The following KIF13B variants were observed in gnomAD, a reference collection of about 807,000 sequenced individuals.
The protein encoded by KIF13B is kinesin-like protein KIF13B.
A neutral mutation model predicts 222.0 loss-of-function variants in KIF13B; 127 were observed. That is an observed-to-expected ratio of 0.57 (90% CI 0.50 to 0.66). KIF13B has a LOEUF of 0.66. Ranked by LOEUF, KIF13B falls within the 30% of genes least tolerant of loss-of-function variation. KIF13B has a pLI of 0.00. For synonymous variants in KIF13B, 976 were observed against 919.0 expected (o/e 1.06, Z -1.12); for missense variants, 2,173 against 2,379.0 (o/e 0.91, Z 1.80).
rs1563755626 is a variant in KIF13B at position 29,167,404 on chromosome 8, T to C, written c.1127A>G (p.Glu376Gly). 2 of 1,613,184 alleles carry C rather than the reference T, an allele frequency of 1.2e-6. No individual in the cohort carries two copies. The highest frequency in any genetic ancestry group is 8.5e-7 in the Non-Finnish European group (1 of 1,179,838). Residue 376 changes from glutamate to glycine, a missense_variant, in exon 11 of 40, where the codon GAG becomes GGG. Glu to Gly is a moderately conservative substitution (Grantham distance 98, BLOSUM62 -2). This residue lies in a region of KIF13B where 1,480 missense variants were observed against 1,722.8 expected (regional missense o/e 0.86). Coordinates refer to ENST00000524189, the MANE Select transcript of KIF13B (RefSeq NM_015254.4). ...TTTGGTCAGCTGCTCCCGGAGTTTC[T>C]CAACTTCTTCCCGGAGATCCCGGAT... ...RIIRDLREEV[E>G]KLREQLTKAE...
In KIF13B at chr8:29,142,173, C is replaced by A. The variant is rs1036829044; in HGVS notation, c.2318G>T (p.Cys773Phe). 3.7e-6 allele frequency: 6 copies of A among 1,613,384 alleles called. No individual in the cohort carries two copies. Among genetic ancestry groups the A allele is most frequent in the African/African-American group, 1.3e-5 (1 of 75,050 alleles). ...ATAACTTACTGGGTTATCTTCTTCA[C>A]ACTCTTTCCACTCCTGATAAAGGTC... ...MRDLYQEWKE[C>F]EEDNPVIRSY... The change falls in exon 19 of 40, where the codon TGT becomes TTT. Residue 773 changes from cysteine (C) to phenylalanine (F), a missense_variant. By Grantham distance (205) the Cys-to-Phe change is radical (BLOSUM62 -2). Around this residue, in one of 2 missense-constraint regions of KIF13B, gnomAD observed 1,480 missense variants for 1,722.8 expected, o/e 0.86. Coordinates refer to ENST00000524189, the MANE Select transcript of KIF13B (RefSeq NM_015254.4).
intron 37 of KIF13B, among the ~76,000 whole-genome samples, chr8:29,075,984 C>T (rs1326300328): frequency 2.0e-5 from 3 of 152,168 alleles, no homozygotes; most frequent in Non-Finnish European, 4.4e-5. Flanking sequence ...ATCAGTAATG[C>T]AACTCCAGTG....
chr8:29,177,646 A>T (rs1586885884), intron 8 of KIF13B, 68 bp from the exon 9 acceptor site: 1 of 1,041,644 alleles, frequency 9.6e-7, no homozygotes, highest in East Asian at 2.4e-5. Context: ...TCATGCCAGT[A>T]ATCCCAGCAC....
At chr8:29,095,969 T>G (rs1171544414) in intron 36 of KIF13B, among the ~76,000 whole-genome samples, 2 of 147,720 alleles carry the variant, frequency 1.4e-5, no homozygotes, top group Non-Finnish European at 3.0e-5. Context: ...AGTAGTGTTT[T>G]TTTTTGTTTG....
At chr8:29,147,354 T>G in intron 17 of KIF13B, 38 bp downstream of exon 17, 66 of 1,495,780 alleles carry the variant, frequency 4.4e-5, no homozygotes, top group Non-Finnish European at 5.5e-5. Flanking sequence ...GTGGCAAGCC[T>G]GAGCTATAAA....
At position 29,218,036 on chromosome 8, in the gene KIF13B, T is replaced by C. The variant is rs950327274; in HGVS notation, c.150-21837A>G. On this transcript the variant is annotated intron_variant, in intron 2 of 39. Transcript: ENST00000524189. ...TTAAACCTGTTTCCTACATGTGAAA[T>C]ACTCTACGTGTCTAGGGACATATAA... 3.9e-5 allele frequency among the ~76,000 whole-genome samples: 6 copies of C among 152,318 alleles called. No individual in the cohort carries two copies. In the South Asian group the frequency reaches 1.2e-3, roughly 32 times the overall value.
intron 1 of KIF13B, among the ~76,000 whole-genome samples, chr8:29,258,224 T>C (rs997424990): frequency 6.6e-6 from 1 of 152,198 alleles, no homozygotes; most frequent in Non-Finnish European, 1.5e-5. Flanking sequence ...TCTTCTAAGC[T>C]TCCTCGCACT....
chr8:29,147,694 T>C (rs1002610651), intron 16 of KIF13B, 92 bp from the exon 17 acceptor site: 12 of 927,836 alleles, frequency 1.3e-5, no homozygotes, highest in Non-Finnish European at 2.0e-5. Flanking sequence ...TCTGTCATCT[T>C]AACTATACCA....
Position 29,192,257 on chromosome 8 carries a change from T to G in KIF13B, c.163-1200A>C, listed in dbSNP as rs188602027. On this transcript the variant is annotated intron_variant, in intron 3 of 39. Transcript: ENST00000524189. ...CAAATCAGTTTTCACATGGTGAGCC[T>G]GGCTCCAGTCCCCAACCATACACCA... is the stretch of plus-strand genomic sequence containing the variant. 7.9e-5 allele frequency among the ~76,000 whole-genome samples: 12 copies of G among 152,308 alleles called. No individual in the cohort carries two copies. The East Asian group carries it at 2.3e-3, about 29-fold the overall frequency.
At chr8:29,138,832 G>T (rs1810681091) in intron 21 of KIF13B, among the ~76,000 whole-genome samples, 1 of 152,150 alleles carries the variant, frequency 6.6e-6, no homozygotes, top group African/African-American at 2.4e-5. Context: ...GAGCATACCA[G>T]GGCCTAAAGA....
chr8:29,169,019 G>C (rs534619692), intron 10 of KIF13B, among the ~76,000 whole-genome samples: 7 of 152,308 alleles, frequency 4.6e-5, no homozygotes, highest in Admixed American at 3.9e-4. Flanking sequence ...AGATTAGAGG[G>C]AACACTCCAA....
At chr8:29,243,850 A>G (rs970616792) in intron 2 of KIF13B, among the ~76,000 whole-genome samples, 2 of 152,216 alleles carry the variant, frequency 1.3e-5, no homozygotes, top group Non-Finnish European at 2.9e-5. Flanking sequence ...CTGCCCATGT[A>G]CAGAACACTT....
At chr8:29,161,889 G>A (rs1299296548) in intron 12 of KIF13B, among the ~76,000 whole-genome samples, 1 of 152,048 alleles carries the variant, frequency 6.6e-6, no homozygotes, top group Non-Finnish European at 1.5e-5. Flanking sequence ...CTTATATACT[G>A]TTGTGTTCCC....
chr8:29,113,730 G>T (rs1196701877), intron 31 of KIF13B, among the ~76,000 whole-genome samples, 175 bp from the exon 32 acceptor site: 6 of 152,168 alleles, frequency 3.9e-5, no homozygotes, highest in African/African-American at 1.4e-4. Flanking sequence ...CCTATGGTAC[G>T]AAACCAACTT....
intron 30 of KIF13B, among the ~76,000 whole-genome samples, chr8:29,118,013 C>T (rs146665256): frequency 0.011 from 1,630 of 150,972 alleles, 12 homozygotes; most frequent in Non-Finnish European, 0.016. Context: ...CAAAAATTAG[C>T]CAGGTGTGAT....
chr8:29,123,029 A>G (rs1809945890), intron 28 of KIF13B, among the ~76,000 whole-genome samples: 1 of 152,204 alleles, frequency 6.6e-6, no homozygotes, highest in Non-Finnish European at 1.5e-5. Flanking sequence ...TCGCGTGGAG[A>G]TGCAATTTTC....
intron 1 of KIF13B, among the ~76,000 whole-genome samples, chr8:29,254,349 T>C (rs1319460568): frequency 6.6e-6 from 1 of 151,396 alleles, no homozygotes; most frequent in African/African-American, 2.5e-5. Context: ...AAAACTTTCA[T>C]GCATCAAAGG....
At chr8:29,078,323 T>C (rs975670176) in intron 37 of KIF13B, among the ~76,000 whole-genome samples, 3 of 147,426 alleles carry the variant, frequency 2.0e-5, no homozygotes, top group African/African-American at 7.5e-5. Flanking sequence ...AGAGAGAGGA[T>C]TCAGAGGAGG....
intron 15 of KIF13B, among the ~76,000 whole-genome samples, chr8:29,150,035 T>C (rs768299323): frequency 6.6e-6 from 1 of 152,198 alleles, no homozygotes; most frequent in Non-Finnish European, 1.5e-5. Flanking sequence ...AAAAGAATCA[T>C]CTTCTAGTGG....
Sources: allele counts gnomAD v4.1 joint callset (sites outside exome capture counted in the v4.1 genomes callset), GRCh38; gene constraint gnomAD v4.1.1; regional missense constraint gnomAD v4.1.1; transcripts MANE v1.5; gene names NCBI Gene and HGNC (gene_info 2026-07-23, HGNC 2026-07-21).